TMPRSS2: variants seen among roughly 807,000 people sequenced by gnomAD.
The protein encoded by TMPRSS2 is transmembrane serine protease 2, also known as transmembrane protease serine 2.
A neutral mutation model predicts 67.4 loss-of-function variants in TMPRSS2; 59 were observed. That is an observed-to-expected ratio of 0.88 (90% CI 0.71 to 1.09). TMPRSS2 has a LOEUF of 1.09. Ranked by LOEUF, TMPRSS2 falls within the 50% of genes least tolerant of loss-of-function variation. The pLI is 0.00. For synonymous variants in TMPRSS2, 257 were observed against 257.0 expected (o/e 1.00, Z 0.00); for missense variants, 668 against 642.7 (o/e 1.04, Z -0.43).
intron 5 of TMPRSS2, among the ~76,000 whole-genome samples, chr21:41,484,456 G>A (rs2091280535): frequency 6.6e-6 from 1 of 152,160 alleles, no homozygotes; most frequent in Admixed American, 6.5e-5. Context: ...ATTTTTGAAT[G>A]TTTTCCATGG....
Position 41,466,166 on chromosome 21 carries a change from GA to G in TMPRSS2, c.1468-14del, listed in dbSNP as rs542502939. On this transcript the variant is annotated splice_polypyrimidine_tract_variant and intron_variant, in intron 13 of 13. Transcript: ENST00000332149. ...ATTAGCCGTCTGCCTGTTCAAATAG[GA>G]AAAAAAAAAGTGTGTTATTTTCTTA... 3.6e-3 allele frequency: 5,421 copies of G among 1,494,924 alleles called. 38 individuals carry two copies. The highest frequency in any genetic ancestry group is 0.016 in the South Asian group (1,327 of 82,102). 92.6% of individuals were successfully genotyped at this position (1,494,924 alleles called of 1,614,324 possible).
chr21:41,489,529 G>T lies in TMPRSS2; in HGVS notation c.303C>A (p.Ala101=). The change falls in exon 4 of 14, where the codon GCC becomes GCA. Residue 101 remains alanine, a synonymous_variant. Coordinates refer to ENST00000332149, the MANE Select transcript of TMPRSS2 (RefSeq NM_005656.4). ...LGTFLVGAAL[A]AGLLWKFMGS... is the part of the protein sequence containing the mutation. The stretch of plus-strand genomic sequence containing the variant: ...TACTGAACTTCCAGAGTAGGCCAGC[G>T]GCCAGCGCAGCTCCCACGAGGAAGG... 6.2e-7 allele frequency: 1 copy of T among 1,614,102 alleles called. No individual in the cohort carries two copies. Among genetic ancestry groups the T allele is most frequent in the African/African-American group, 1.3e-5 (1 of 75,030 alleles).
Position 41,480,592 on chromosome 21 carries a change from G to A in TMPRSS2, c.456C>T (p.Tyr152=), listed in dbSNP as rs371583288. The change falls in exon 6 of 14, where the codon TAC becomes TAT. Residue 152 remains tyrosine, a synonymous_variant. Coordinates refer to ENST00000332149, the MANE Select transcript of TMPRSS2 (RefSeq NM_005656.4). ...GEDENRCVRL[Y]GPNFILQVYS... Reference sequence around the variant, plus strand: ...ACACCTGAAGGATGAAGTTTGGTCCGTAGAGGCGAACTGCACGAGAGGGAG... The same window carrying A: ...ACACCTGAAGGATGAAGTTTGGTCCATAGAGGCGAACTGCACGAGAGGGAG... The A allele has an allele frequency of 1.2e-5, 20 of 1,613,650 alleles. No homozygotes were observed. Among genetic ancestry groups the A allele is most frequent in the South Asian group, 1.1e-4 (10 of 91,080 alleles).
intron 5 of TMPRSS2, among the ~76,000 whole-genome samples, chr21:41,486,311 G>GT (rs1270180235): frequency 6.6e-6 from 1 of 151,768 alleles, no homozygotes; most frequent in Non-Finnish European, 1.5e-5. Context: ...ACTTTTTTTT[G>GT]TTTTTTGAGA....
intron 5 of TMPRSS2, among the ~76,000 whole-genome samples, chr21:41,484,987 A>G (rs185406661): frequency 6.6e-6 from 1 of 152,196 alleles, no homozygotes; most frequent in Non-Finnish European, 1.5e-5. Context: ...GTGCTTCTTT[A>G]TGCAAAAACT....
intron 1 of TMPRSS2, among the ~76,000 whole-genome samples, chr21:41,500,854 A>C (rs1423945079): frequency 6.6e-6 from 1 of 152,214 alleles, no homozygotes; most frequent in Non-Finnish European, 1.5e-5. Context: ...GCTTGACAAC[A>C]CAATAAATCC....
intron 5 of TMPRSS2, 46 bp from the exon 6 acceptor site, chr21:41,480,648 C>A: frequency 6.2e-7 from 1 of 1,600,176 alleles, no homozygotes; most frequent in Non-Finnish European, 8.5e-7. Flanking sequence ...CTTTTTTTTT[C>A]TTTTTTTTGA....
At chr21:41,496,911 G>A (rs1311317885) in intron 2 of TMPRSS2, among the ~76,000 whole-genome samples, 1 of 136,482 alleles carries the variant, frequency 7.3e-6, no homozygotes. Flanking sequence ...TGCGATCTTG[G>A]CTCACCGCAA....
At chr21:41,494,305 G>C (rs373196115) in intron 3 of TMPRSS2, 51 bp downstream of exon 3, 6 of 1,581,582 alleles carry the variant, frequency 3.8e-6, no homozygotes, top group Non-Finnish European at 5.2e-6. Flanking sequence ...TGGGGAGGTA[G>C]ACCCGGGACC....
chr21:41,500,863 C>G (rs2091419278), intron 1 of TMPRSS2, among the ~76,000 whole-genome samples: 1 of 152,184 alleles, frequency 6.6e-6, no homozygotes, highest in Non-Finnish European at 1.5e-5. Flanking sequence ...CACAATAAAT[C>G]CCGCATTCTT....
At chr21:41,494,266 G>A (rs909266489) in intron 3 of TMPRSS2, 90 bp downstream of exon 3, 10 of 1,362,494 alleles carry the variant, frequency 7.3e-6, no homozygotes, top group Non-Finnish European at 1.0e-5. Context: ...GAGAGGTGGC[G>A]ACAGTGGTGT....
At chr21:41,492,921 A>T (rs928840792) in intron 3 of TMPRSS2, among the ~76,000 whole-genome samples, 1 of 151,968 alleles carries the variant, frequency 6.6e-6, no homozygotes, top group Admixed American at 6.6e-5. Flanking sequence ...TATCCCCTTC[A>T]CCCTGGCTTC....
intron 2 of TMPRSS2, 42 bp downstream of exon 2, chr21:41,498,077 G>T (rs1346320670): frequency 6.9e-7 from 1 of 1,440,008 alleles, no homozygotes; most frequent in Non-Finnish European, 9.7e-7. Flanking sequence ...AAGGGACAAG[G>T]GAACAAAGAA....
At chr21:41,489,786 T>G in intron 3 of TMPRSS2, among the ~76,000 whole-genome samples, 193 bp from the exon 4 acceptor site, 1 of 152,192 alleles carries the variant, frequency 6.6e-6, no homozygotes, top group Non-Finnish European at 1.5e-5. Flanking sequence ...CCTTATGCAA[T>G]TTGGAGACCA....
At chr21:41,494,268 C>G (rs1472667074) in intron 3 of TMPRSS2, 88 bp downstream of exon 3, 2 of 1,384,046 alleles carry the variant, frequency 1.4e-6, no homozygotes, top group Admixed American at 4.4e-5. Context: ...GAGGTGGCGA[C>G]AGTGGTGTTG....
At chr21:41,503,590 G>A (rs1219800884) in intron 1 of TMPRSS2, among the ~76,000 whole-genome samples, 1 of 152,220 alleles carries the variant, frequency 6.6e-6, no homozygotes, top group Non-Finnish European at 1.5e-5. Flanking sequence ...CCAGAATCAT[G>A]ATCAGAATTT....
Position 41,467,714 on chromosome 21 carries a change from AAGG to A in TMPRSS2, c.1467+17_1467+19del, listed in dbSNP as rs773854277. 3 of 1,613,134 alleles carry A rather than the reference AAGG, an allele frequency of 1.9e-6. No homozygotes were observed. The highest frequency in any genetic ancestry group is 4.5e-5 in the East Asian group (2 of 44,870). Reference sequence around the variant, plus strand: ...TCGAGGAATCGGAGAACACAGTCAGAAGGAGGACAGGATAGTTACCCTCATTTG... The same window carrying A: ...TCGAGGAATCGGAGAACACAGTCAGAAGGACAGGATAGTTACCCTCATTTG... On this transcript the variant is annotated intron_variant, in intron 13 of 13. Coordinates refer to ENST00000332149, the MANE Select transcript of TMPRSS2 (RefSeq NM_005656.4).
At chr21:41,472,599 A>T (rs1315391348) in intron 9 of TMPRSS2, among the ~76,000 whole-genome samples, 1 of 152,120 alleles carries the variant, frequency 6.6e-6, no homozygotes, top group Non-Finnish European at 1.5e-5. Flanking sequence ...TGCTTCCTTG[A>T]CCTTCATAAC....
intron 9 of TMPRSS2, 93 bp downstream of exon 9, chr21:41,473,232 C>A: frequency 1.5e-6 from 2 of 1,371,394 alleles, no homozygotes; most frequent in South Asian, 2.8e-5. Flanking sequence ...CACAAGGATG[C>A]CGGGGCTGCA....
Sources: gnomAD v4.1 joint callset for allele counts (sites outside exome capture counted in the v4.1 genomes callset) on GRCh38, gnomAD v4.1.1 for gene constraint, MANE v1.5 for transcripts, NCBI Gene and HGNC (gene_info 2026-07-23, HGNC 2026-07-21) for gene names.